The following HS6ST3 variants were observed in gnomAD, a reference collection of about 807,000 sequenced individuals.
HS6ST3 encodes the protein heparan sulfate 6-O-sulfotransferase 3, also known as heparan-sulfate 6-O-sulfotransferase 3.
A neutral mutation model predicts 36.7 loss-of-function variants in HS6ST3; 12 were observed. That is an observed-to-expected ratio of 0.33 (90% confidence interval 0.21 to 0.53). The LOEUF (loss-of-function observed/expected upper bound fraction) is 0.53. HS6ST3 is among the 20% of genes least tolerant of loss of function. The pLI is 0.95. For missense variants in HS6ST3, 584 were observed against 640.9 expected, an observed-to-expected ratio of 0.91 and a Z score of 0.96; for synonymous variants, 240 against 257.5, an observed-to-expected ratio of 0.93 and a Z score of 0.65.
intron 1 of HS6ST3, among the ~76,000 whole-genome samples, chr13:96,155,343 C>CAA (rs11377209): frequency 1.6e-3 from 238 of 151,814 alleles, no homozygotes; most frequent in Middle Eastern, 3.4e-3. Flanking sequence ...AATAAAATAA[C>CAA]AAAAAAAACA....
At chr13:96,802,124 G>A (rs913387724) in intron 1 of HS6ST3, among the ~76,000 whole-genome samples, 2 of 152,072 alleles carry the variant, frequency 1.3e-5, no homozygotes, top group African/African-American at 4.8e-5. Context: ...AAACCCCCCA[G>A]TCAACATTCT....
At chr13:96,315,689 T>A (rs5805961) in intron 1 of HS6ST3, among the ~76,000 whole-genome samples, 33,591 of 137,458 alleles carry the variant, frequency 0.24, 4,640 homozygotes, top group Admixed American at 0.34. Context: ...CATTTTTTTT[T>A]AAAAAAAGGA....
intron 1 of HS6ST3, among the ~76,000 whole-genome samples, chr13:96,673,813 T>G (rs1811830060): frequency 6.6e-6 from 1 of 152,186 alleles, no homozygotes; most frequent in Non-Finnish European, 1.5e-5. Context: ...AATTCTTGTT[T>G]CACGACCACA....
At chr13:96,290,942 C>A (rs955857936) in intron 1 of HS6ST3, among the ~76,000 whole-genome samples, 2 of 152,196 alleles carry the variant, frequency 1.3e-5, no homozygotes, top group Non-Finnish European at 2.9e-5. Context: ...TTTGCACTTG[C>A]TGGTAATGCC....
intron 1 of HS6ST3, among the ~76,000 whole-genome samples, chr13:96,342,964 T>C (rs1304721548): frequency 6.6e-6 from 1 of 152,262 alleles, no homozygotes; most frequent in Non-Finnish European, 1.5e-5. Context: ...GTCTGTATTC[T>C]GTCCTCAATT....
intron 1 of HS6ST3, among the ~76,000 whole-genome samples, chr13:96,326,086 C>T (rs1453036990): frequency 3.3e-5 from 5 of 151,752 alleles, no homozygotes; most frequent in African/African-American, 1.2e-4. Flanking sequence ...GAAAACTGTA[C>T]TCAAATAATA....
intron 1 of HS6ST3, among the ~76,000 whole-genome samples, chr13:96,425,655 C>T (rs2055582970): frequency 6.6e-6 from 1 of 151,796 alleles, no homozygotes; most frequent in Non-Finnish European, 1.5e-5. Flanking sequence ...GCAAATACAG[C>T]GAGAGACCCC....
Position 96,254,488 on chromosome 13 carries a change from TATATATATATACACATAC to T in HS6ST3, c.707+162923_707+162940del, listed in dbSNP as rs1325413164. ...ATATATATATATATATATATATATATATATATATATACACATACATACACACACACACTTTTTTCTTTT... is the reference window on the plus strand; with the variant it reads ...ATATATATATATATATATATATATATATACACACACACACTTTTTTCTTTT... On this transcript the variant is annotated intron_variant, in intron 1 of 1. Transcript: ENST00000376705. Among the ~76,000 whole-genome samples, 95 of 13,904 alleles carry T rather than the reference TATATATATATACACATAC, an allele frequency of 6.8e-3. 6 individuals carry two copies. Among genetic ancestry groups the T allele is most frequent in the Non-Finnish European group, 6.8e-3 (44 of 6,476 alleles). 9.1% of individuals were successfully genotyped at this position (13,904 alleles called of 152,430 possible).
At chr13:96,132,877 T>G (rs1278243185) in intron 1 of HS6ST3, among the ~76,000 whole-genome samples, 1 of 152,226 alleles carries the variant, frequency 6.6e-6, no homozygotes. Flanking sequence ...CGATTAGTAA[T>G]GTGGAGCATT....
chr13:96,495,093 G>T (rs1036105145), intron 1 of HS6ST3, among the ~76,000 whole-genome samples: 6 of 151,942 alleles, frequency 3.9e-5, no homozygotes, highest in African/African-American at 1.2e-4. Flanking sequence ...CCTCCTAACT[G>T]ATATTATACT....
chr13:96,267,555 CTG>C (rs1244398502), intron 1 of HS6ST3, among the ~76,000 whole-genome samples: 1 of 150,382 alleles, frequency 6.6e-6, no homozygotes, highest in Non-Finnish European at 1.5e-5. Context: ...TATTAAAAAT[CTG>C]TGTTAGTCTT....
chr13:96,239,469 C>T (rs188573184), intron 1 of HS6ST3, among the ~76,000 whole-genome samples: 10 of 152,228 alleles, frequency 6.6e-5, no homozygotes, highest in African/African-American at 1.9e-4. Flanking sequence ...GCAATTATAA[C>T]GGGTGGTTTA....
intron 1 of HS6ST3, among the ~76,000 whole-genome samples, chr13:96,371,216 C>T (rs2055288457): frequency 6.6e-6 from 1 of 152,092 alleles, no homozygotes. Flanking sequence ...CAACCTTTAA[C>T]ATTTTTGGCA....
intron 1 of HS6ST3, among the ~76,000 whole-genome samples, chr13:96,690,989 C>T (rs1874940460): frequency 6.6e-6 from 1 of 152,122 alleles, no homozygotes; most frequent in Non-Finnish European, 1.5e-5. Flanking sequence ...CAATTCCCTT[C>T]CCATCCCATA....
At chr13:96,596,560 C>G (rs1174147432) in intron 1 of HS6ST3, among the ~76,000 whole-genome samples, 1 of 152,074 alleles carries the variant, frequency 6.6e-6, no homozygotes, top group Non-Finnish European at 1.5e-5. Flanking sequence ...ATAGGGTGTA[C>G]TAATTTATGT....
intron 1 of HS6ST3, among the ~76,000 whole-genome samples, chr13:96,735,452 G>A (rs1219029374): frequency 2.0e-5 from 3 of 152,126 alleles, no homozygotes; most frequent in African/African-American, 7.2e-5. Context: ...AGTATTCACT[G>A]TAAAGGAAAT....
At chr13:96,802,252 G>C (rs1013609242) in intron 1 of HS6ST3, among the ~76,000 whole-genome samples, 1 of 152,100 alleles carries the variant, frequency 6.6e-6, no homozygotes, top group Non-Finnish European at 1.5e-5. Context: ...TGGAAAGCTG[G>C]AAACCAGAAG....
At chr13:96,635,256 A>G (rs2056545316) in intron 1 of HS6ST3, among the ~76,000 whole-genome samples, 2 of 13,702 alleles carry the variant, frequency 1.5e-4, no homozygotes, top group Non-Finnish European at 2.1e-4. Context: ...CATAAGATGT[A>G]AGTTTTTTTT....
At chr13:96,704,275 T>C (rs1875363022) in intron 1 of HS6ST3, among the ~76,000 whole-genome samples, 1 of 152,200 alleles carries the variant, frequency 6.6e-6, no homozygotes, top group African/African-American at 2.4e-5. Flanking sequence ...CTATAGTGTC[T>C]GTCTCCTGTT....
Sources: gnomAD v4.1 joint callset for allele counts (sites outside exome capture counted in the v4.1 genomes callset) on GRCh38, gnomAD v4.1.1 for gene constraint, MANE v1.5 for transcripts, NCBI Gene and HGNC (gene_info 2026-07-23, HGNC 2026-07-21) for gene names.